Variants in SRL observed in about 807,000 individuals in gnomAD.
SRL encodes the protein sarcalumenin.
SRL carries 23 observed loss-of-function variants against 39.5 expected under a neutral mutation model. The ratio of observed to expected loss-of-function variants is 0.58; its 90% confidence interval spans 0.42 to 0.82. The LOEUF is 0.82. Among genes scored for constraint, SRL ranks in the 40% least tolerant of loss-of-function variants. The pLI, the probability that SRL is intolerant of heterozygous loss-of-function variation, is 0.00. For missense variants in SRL, 592 were observed against 607.8 expected, an observed-to-expected ratio of 0.97 and a Z score of 0.27; for synonymous variants, 272 against 237.4, an observed-to-expected ratio of 1.15 and a Z score of -1.34.
At chr16:4,210,533 A>G (rs1379717637) in intron 1 of SRL, among the ~76,000 whole-genome samples, 1 of 121,626 alleles carries the variant, frequency 8.2e-6, no homozygotes, top group African/African-American at 3.3e-5. Flanking sequence ...TCTGTCACCC[A>G]GGCTGGAGTG....
In SRL at chr16:4,204,572, G is replaced by A. The variant is rs1323773138; in HGVS notation, c.124C>T (p.Leu42Phe). Residue 42 changes from leucine (L) to phenylalanine (F), a missense_variant, in exon 2 of 6, where the codon CTC becomes TTC. Leu to Phe is a conservative substitution (Grantham distance 22). Coordinates refer to ENST00000399609, the MANE Select transcript of SRL (RefSeq NM_001098814.2). ...LRDRSHIEKT[L>F]MLNEDKPSDD... is the part of the protein sequence containing the mutation. ...GATGGCTTGTCCTCATTCAGCATGA[G>A]GGTCTTCTCGATGTGGGAGCGGTCC... 6.2e-7 allele frequency: 1 copy of A among 1,614,198 alleles called. No homozygotes were observed. Among genetic ancestry groups the A allele is most frequent in the South Asian group, 1.1e-5 (1 of 91,076 alleles).
At chr16:4,230,175 T>G (rs2386885) in intron 1 of SRL, among the ~76,000 whole-genome samples, 1 of 151,710 alleles carries the variant, frequency 6.6e-6, no homozygotes, top group African/African-American at 2.4e-5. Context: ...CCTGAGCCAG[T>G]CCTCCATCTG....
chr16:4,238,922 C>A (rs17136931), intron 1 of SRL, among the ~76,000 whole-genome samples: 5,892 of 152,158 alleles, frequency 0.039, 366 homozygotes, highest in African/African-American at 0.13. Context: ...TGTCCGACCA[C>A]CGTGTTACCT....
chr16:4,220,818 G>A (rs548377100), intron 1 of SRL, among the ~76,000 whole-genome samples: 103 of 150,944 alleles, frequency 6.8e-4, no homozygotes, highest in Non-Finnish European at 1.2e-3. Flanking sequence ...GTGGGACCCC[G>A]AATATACTTA....
intron 4 of SRL, among the ~76,000 whole-genome samples, chr16:4,196,454 C>T (rs1318546319): frequency 1.3e-5 from 2 of 150,744 alleles, no homozygotes; most frequent in Non-Finnish European, 2.9e-5. Context: ...TGGCGTCTCT[C>T]TCTCTGATTT....
chr16:4,228,381 A>AGCCGAGATTGCACCAC (rs1159813246), intron 1 of SRL, among the ~76,000 whole-genome samples: 21 of 151,920 alleles, frequency 1.4e-4, no homozygotes, highest in African/African-American at 4.6e-4. Context: ...GGTTGCAGTG[A>AGCCGAGATTGCACCAC]GCCGAGATTG....
At chr16:4,208,004 C>G (rs1104968) in intron 1 of SRL, 95,324 of 456,576 alleles carry the variant, frequency 0.21, 10,310 homozygotes, top group Non-Finnish European at 0.23. Context: ...CTGCATAAAG[C>G]GCCCTTTCTT....
intron 3 of SRL, among the ~76,000 whole-genome samples, chr16:4,198,316 G>A (rs2141025945): frequency 6.6e-6 from 1 of 152,344 alleles, no homozygotes; most frequent in Middle Eastern, 3.4e-3. Context: ...GGAGCAGCTT[G>A]TATAATCTTG....
intron 1 of SRL, among the ~76,000 whole-genome samples, chr16:4,241,173 G>A (rs904562244): frequency 2.0e-5 from 3 of 152,120 alleles, no homozygotes; most frequent in Non-Finnish European, 2.9e-5. Flanking sequence ...ATCCTAGGGG[G>A]ATCCCCGGAG....
At chr16:4,193,262 G>A (rs1201674319) in intron 5 of SRL, among the ~76,000 whole-genome samples, 8 of 152,174 alleles carry the variant, frequency 5.3e-5, no homozygotes, top group South Asian at 4.2e-4. Flanking sequence ...TCAACCTCCC[G>A]GGTTTAAGAA....
At chr16:4,217,420 T>G (rs577355710) in intron 1 of SRL, among the ~76,000 whole-genome samples, 3 of 152,242 alleles carry the variant, frequency 2.0e-5, no homozygotes, top group African/African-American at 7.2e-5. Flanking sequence ...CCTGGCTAAT[T>G]GTTTTATTTT....
chr16:4,226,661 G>A (rs1382288251), intron 1 of SRL, among the ~76,000 whole-genome samples: 3 of 151,764 alleles, frequency 2.0e-5, no homozygotes, highest in African/African-American at 7.3e-5. Context: ...AAGGGTGAAT[G>A]GAAGGATGAT....
chr16:4,214,327 A>G (rs551201593), intron 1 of SRL, among the ~76,000 whole-genome samples: 119 of 152,338 alleles, frequency 7.8e-4, no homozygotes, highest in African/African-American at 2.7e-3. Context: ...ATCCATTTGA[A>G]CTAGAGCTAG....
At chr16:4,210,484 A>ATATTTTT (rs1307381191) in intron 1 of SRL, among the ~76,000 whole-genome samples, 1 of 68,786 alleles carries the variant, frequency 1.5e-5, no homozygotes, top group African/African-American at 7.7e-5. Flanking sequence ...TATTACTCAT[A>ATATTTTT]TCTTTTTTTT....
At chr16:4,197,667 T>A in intron 4 of SRL, 132 bp downstream of exon 4, 2 of 723,412 alleles carry the variant, frequency 2.8e-6, no homozygotes, top group Non-Finnish European at 4.9e-6. Context: ...CCTCAAGTGA[T>A]CCACTGCCTT....
intron 2 of SRL, 83 bp downstream of exon 2, chr16:4,204,441 CACGCCCTGG>C (rs1555454456): frequency 6.7e-5 from 78 of 1,160,712 alleles, no homozygotes; most frequent in Non-Finnish European, 8.5e-5. Flanking sequence ...ACAGCCCCGG[CACGCCCTGG>C]CTCTCAGGAG....
chr16:4,225,561 G>A (rs375014685), intron 1 of SRL, among the ~76,000 whole-genome samples: 1 of 152,174 alleles, frequency 6.6e-6, no homozygotes, highest in Non-Finnish European at 1.5e-5. Context: ...TCCAGCCGGG[G>A]TGACAGAGTG....
chr16:4,219,418 G>C (rs1312862244), intron 1 of SRL, among the ~76,000 whole-genome samples: 2 of 152,244 alleles, frequency 1.3e-5, no homozygotes, highest in Non-Finnish European at 2.9e-5. Context: ...TCAGAGGGCT[G>C]TGTCGGGGCA....
At chr16:4,199,072 A>G (rs2052186734) in intron 3 of SRL, among the ~76,000 whole-genome samples, 2 of 152,056 alleles carry the variant, frequency 1.3e-5, no homozygotes, top group African/African-American at 4.8e-5. Flanking sequence ...GTCCTGCATA[A>G]CTCAGCACTG....
Sources: allele counts gnomAD v4.1 joint callset (sites outside exome capture counted in the v4.1 genomes callset), GRCh38; gene constraint gnomAD v4.1.1; transcripts MANE v1.5; gene names NCBI Gene and HGNC (gene_info 2026-07-23, HGNC 2026-07-21).